FBF1: variants seen among roughly 807,000 people sequenced by gnomAD.
FBF1 encodes the protein Fas binding factor 1, also known as fas-binding factor 1.
Under a neutral mutation model 147.2 loss-of-function variants are expected in FBF1, and 119 were observed. The observed-to-expected ratio is 0.81, with a 90% CI of 0.70 to 0.94. The LOEUF is 0.94. Among genes scored for constraint, FBF1 ranks in the 40% least tolerant of loss-of-function variants. The pLI is 0.00. For missense variants in FBF1, 1,449 were observed against 1,500.8 expected (o/e 0.97, Z 0.57); for synonymous variants, 601 against 609.0 (o/e 0.99, Z 0.19).
chr17:75,940,427 AT>A (rs1368290266), intron 1 of FBF1, among the ~76,000 whole-genome samples: 1 of 151,338 alleles, frequency 6.6e-6, no homozygotes, highest in Non-Finnish European at 1.5e-5. Flanking sequence ...AAATTTTAAA[AT>A]TTTTTTTGTA....
At position 75,927,547 on chromosome 17, in the gene FBF1, AGAC is replaced by A; in HGVS notation, c.398-18_398-16del. 1.9e-6 allele frequency: 3 copies of A among 1,589,470 alleles called. No individual in the cohort carries two copies. Among genetic ancestry groups the A allele is most frequent in the Non-Finnish European group, 2.6e-6 (3 of 1,167,948 alleles). On this transcript the variant is annotated splice_polypyrimidine_tract_variant and intron_variant, in intron 8 of 29. Coordinates refer to ENST00000636174, the MANE Select transcript of FBF1 (RefSeq NM_001319193.2). ...AATGGCACCCCCTGCAGGAAGCAGA[AGAC>A]AAGGTCATGGGCCTGAGTCTCTCCT...
rs180740491 is a variant in FBF1, at chr17:75,935,680, C to T, written c.32-7G>A. ...AGAAAATCATCAATGGAGCCTGGAACAGAAAAGGGACTGTCATGACTTCAG... is the reference window on the plus strand; with the variant it reads ...AGAAAATCATCAATGGAGCCTGGAATAGAAAAGGGACTGTCATGACTTCAG... On this transcript the variant is annotated splice_region_variant and splice_polypyrimidine_tract_variant and intron_variant, in intron 3 of 29. Coordinates refer to ENST00000636174, the MANE Select transcript of FBF1 (RefSeq NM_001319193.2). 6.5e-7 allele frequency: 1 copy of T among 1,536,900 alleles called. No individual in the cohort carries two copies. Among genetic ancestry groups the T allele is most frequent in the African/African-American group, 1.4e-5 (1 of 73,132 alleles).
At position 75,932,572 on chromosome 17, in the gene FBF1, T is replaced by A. The variant is rs192465127; in HGVS notation, c.167+423A>T. Among the ~76,000 whole-genome samples, 212 of 151,838 alleles carry A rather than the reference T, an allele frequency of 1.4e-3. No homozygotes were observed. In the East Asian group the frequency reaches 0.034, roughly 25 times the overall value. On this transcript the variant is annotated intron_variant, in intron 5 of 29. Transcript: ENST00000636174. ...GACCAGCCTGGGCAATGTGGTAAAA[T>A]TGTCTTCACTAAAAATACCAAAATT... is the stretch of plus-strand genomic sequence containing the variant.
chr17:75,926,684 C>T (rs2065563866), intron 10 of FBF1, 74 bp downstream of exon 10: 2 of 1,550,112 alleles, frequency 1.3e-6, no homozygotes, highest in Admixed American at 3.9e-5. Flanking sequence ...TCTGGTTCTG[C>T]ACCAGAAAGG....
rs757957405 is a variant in FBF1 at position 75,923,434 on chromosome 17, AG to A, written c.1175del (p.Pro392LeufsTer47). The A allele has an allele frequency of 1.2e-6, 2 of 1,608,440 alleles. No individual in the cohort carries two copies. Among genetic ancestry groups the A allele is most frequent in the Non-Finnish European group, 1.7e-6 (2 of 1,177,886 alleles). On this transcript the variant is annotated frameshift_variant, in exon 14 of 30. Transcript: ENST00000636174. LOFTEE classifies it high-confidence loss of function. This position sits in a 1 kb window ranked among gnomAD's most constrained non-coding sequence, Gnocchi z 4.1. ...CTGGCGTGGAGTGCTGGCTCGCAGG[AG>A]GAGGCACTGAGGGCGTGACAGGCAC... Reference protein sequence around the residue: ...SSVPVTPSVPPPASQHSTPAG... With the variant: ...SSVPVTPSVPXPASQHSTPAG...
In FBF1 at chr17:75,914,545, G is replaced by T. The variant is rs1285273981; in HGVS notation, c.2814+202C>A. 4 of 822,568 alleles carry T rather than the reference G, an allele frequency of 4.9e-6. No homozygotes were observed. In the African/African-American group the frequency reaches 5.2e-5, roughly 11 times the overall value. 51.0% of individuals were successfully genotyped at this position (822,568 alleles called of 1,614,324 possible). A position where few individuals can be genotyped will look rare whatever the true frequency, so the allele number is the denominator to read the frequency against. On this transcript the variant is annotated intron_variant, in intron 25 of 29. Transcript: ENST00000636174. The stretch of plus-strand genomic sequence containing the variant: ...TAAATGACCAAAGTCATGGGAACAT[G>T]AGGATCAAATAAAATGTGTATAATG...
rs201106199 is a variant in FBF1 at position 75,923,471 on chromosome 17, C to T, written c.1139G>A (p.Arg380Gln). Residue 380 changes from arginine to glutamine, a missense_variant, in exon 14 of 30, where the codon CGG becomes CAG. Physicochemically the swap from Arg to Gln is conservative, Grantham distance 43. Coordinates refer to ENST00000636174, the MANE Select transcript of FBF1 (RefSeq NM_001319193.2). The surrounding 1 kb of genome is among the most constrained non-coding windows in gnomAD (Gnocchi z 4.1). ...FPASPTREAH[R>Q]ESSVPVTPSV... ...GGGCGTGACAGGCACTGAACTTTCC[C>T]GATGGGCCTCTCTGGTGGGTGAGGC... The T allele has an allele frequency of 6.7e-5, 108 of 1,608,766 alleles. 1 individual carries two copies. The African/African-American group carries it at 1.0e-3, about 15-fold the overall frequency.
At chr17:75,932,206 C>A (rs1272842097) in intron 5 of FBF1, among the ~76,000 whole-genome samples, 1 of 151,482 alleles carries the variant, frequency 6.6e-6, no homozygotes, top group Admixed American at 6.6e-5. Flanking sequence ...CATGGTGAAA[C>A]CCCATCTCCA....
At chr17:75,937,760 C>G in intron 2 of FBF1, 167 bp from the exon 3 acceptor site, 1 of 766,062 alleles carries the variant, frequency 1.3e-6, no homozygotes, top group Non-Finnish European at 2.2e-6. Flanking sequence ...TTTCTGAGAA[C>G]GGACTCATTC....
In FBF1 at chr17:75,920,716, C is replaced by T. The variant is rs146701619; in HGVS notation, c.1675-287G>A. On this transcript the variant is annotated intron_variant, in intron 17 of 29. Coordinates refer to ENST00000636174, the MANE Select transcript of FBF1 (RefSeq NM_001319193.2). ...AATGGCTGAACCCCAGCAGAGTCTT[C>T]GCTATGACAAAAGCTGATGCTGGCT... Among the ~76,000 whole-genome samples, 602 of 152,258 alleles carry T rather than the reference C, an allele frequency of 4.0e-3. 6 individuals carry two copies. The highest frequency in any genetic ancestry group is 0.014 in the African/African-American group (563 of 41,550).
In FBF1 at chr17:75,917,995, G is replaced by C. The variant is rs1194300673; in HGVS notation, c.2322C>G (p.Ala774=). Residue 774 remains alanine (A), a synonymous_variant, in exon 22 of 30, where the codon GCC becomes GCG. Transcript: ENST00000636174. ...SLHELSSRVE[A]SHLTTSQERE... is the part of the protein sequence containing the mutation. ...GCTCCTGGGAGGTGGTGAGGTGCGA[G>C]GCCTCCACGCGGGAGGACAACTCGT... The C allele has an allele frequency of 1.9e-6, 3 of 1,612,176 alleles. No individual in the cohort carries two copies. In the Admixed American group the frequency reaches 5.0e-5, roughly 27 times the overall value.
Position 75,921,849 on chromosome 17 carries a change from G to A in FBF1, c.1526+96C>T. 3.5e-6 allele frequency: 4 copies of A among 1,129,142 alleles called. No homozygotes were observed. In the South Asian group the frequency reaches 4.4e-5, roughly 12 times the overall value. 69.9% of individuals were successfully genotyped at this position (1,129,142 alleles called of 1,614,324 possible). The stretch of plus-strand genomic sequence containing the variant: ...TGTGTGGGACACGGGGACGGGGCAG[G>A]GGCAGGGTGAACAGCCTCTGTGTCC... On this transcript the variant is annotated intron_variant, in intron 15 of 29. Transcript: ENST00000636174.
rs775184468 is a variant in FBF1, at chr17:75,913,831, C to A, written c.3130-12G>T. On this transcript the variant is annotated splice_polypyrimidine_tract_variant and intron_variant, in intron 27 of 29. Transcript: ENST00000636174. ...AGACTCAGATGCTCCTGTCCCCGTTCCCCCAGAAAGAAGGACTCAGCTGTG... is the reference window on the plus strand; with the variant it reads ...AGACTCAGATGCTCCTGTCCCCGTTACCCCAGAAAGAAGGACTCAGCTGTG... 2 of 1,592,344 alleles carry A rather than the reference C, an allele frequency of 1.3e-6. No homozygotes were observed. The highest frequency in any genetic ancestry group is 1.7e-6 in the Non-Finnish European group (2 of 1,173,164).
Position 75,928,038 on chromosome 17 carries a change from C to T in FBF1, c.397+38G>A, listed in dbSNP as rs764448094. ...AGTCTCCCTAGCAGATGCGAGGAGC[C>T]GTCTCCCATGCACCTTTCTCACTGG... is the stretch of plus-strand genomic sequence containing the variant. On this transcript the variant is annotated intron_variant, in intron 8 of 29. Coordinates refer to ENST00000636174, the MANE Select transcript of FBF1 (RefSeq NM_001319193.2). This position sits in a 1 kb window ranked among gnomAD's most constrained non-coding sequence, Gnocchi z 4.2. 18 of 1,532,464 alleles carry T rather than the reference C, an allele frequency of 1.2e-5. No homozygotes were observed. The highest frequency in any genetic ancestry group is 3.5e-5 in the Admixed American group (2 of 57,188). 94.9% of individuals were successfully genotyped at this position (1,532,464 alleles called of 1,614,324 possible). A position where few individuals can be genotyped will look rare whatever the true frequency, so the allele number is the denominator to read the frequency against.
chr17:75,938,104 G>A lies in FBF1; in HGVS notation c.3+43C>T, dbSNP rs550785965. ...AGATCTTTGGGGATGCAGGATGGGA[G>A]GCATGTTCGCTTTCCATGCATCTTA... On this transcript the variant is annotated intron_variant, in intron 2 of 29. Coordinates refer to ENST00000636174, the MANE Select transcript of FBF1 (RefSeq NM_001319193.2). 5.1e-5 allele frequency: 82 copies of A among 1,611,292 alleles called. No individual in the cohort carries two copies. In the East Asian group the frequency reaches 1.8e-3, roughly 35 times the overall value.
In FBF1 at chr17:75,933,092, G is replaced by C. The variant is rs1006222159; in HGVS notation, c.74-4C>G. 1.3e-6 allele frequency: 2 copies of C among 1,594,718 alleles called. No homozygotes were observed. The highest frequency in any genetic ancestry group is 2.7e-5 in the African/African-American group (2 of 74,562). On this transcript the variant is annotated splice_polypyrimidine_tract_variant and splice_region_variant and intron_variant, in intron 4 of 29. Coordinates refer to ENST00000636174, the MANE Select transcript of FBF1 (RefSeq NM_001319193.2). ...ACAGGCTTCTCAGGTAGTGTCACTG[G>C]AAAAAAAGAAAAGAGAAAACGTGTC... is the stretch of plus-strand genomic sequence containing the variant.
At chr17:75,932,935 G>T in intron 5 of FBF1, 60 bp downstream of exon 5, 4 of 1,160,512 alleles carry the variant, frequency 3.4e-6, no homozygotes, top group Non-Finnish European at 3.7e-6. Flanking sequence ...GGGGGGTGGA[G>T]GGGCAGAGAG....
At position 75,927,544 on chromosome 17, in the gene FBF1, A is replaced by C. The variant is rs200455962; in HGVS notation, c.398-12T>G. 6.3e-7 allele frequency: 1 copy of C among 1,592,606 alleles called. No homozygotes were observed. The highest frequency in any genetic ancestry group is 2.3e-5 in the East Asian group (1 of 43,888). Reference sequence around the variant, plus strand: ...GGGAATGGCACCCCCTGCAGGAAGCAGAAGACAAGGTCATGGGCCTGAGTC... The same window carrying C: ...GGGAATGGCACCCCCTGCAGGAAGCCGAAGACAAGGTCATGGGCCTGAGTC... On this transcript the variant is annotated splice_polypyrimidine_tract_variant and intron_variant, in intron 8 of 29. Coordinates refer to ENST00000636174, the MANE Select transcript of FBF1 (RefSeq NM_001319193.2).
At chr17:75,935,029 A>G (rs898941567) in intron 4 of FBF1, among the ~76,000 whole-genome samples, 3 of 152,164 alleles carry the variant, frequency 2.0e-5, no homozygotes, top group African/African-American at 7.2e-5. Context: ...ACTAATGGGC[A>G]TGGGGTTTCT....
Sources: gnomAD v4.1 joint callset for allele counts (sites outside exome capture counted in the v4.1 genomes callset) on GRCh38, gnomAD v4.1.1 for gene constraint, Gnocchi (gnomAD v3.1) non-coding constraint, MANE v1.5 for transcripts, NCBI Gene and HGNC (gene_info 2026-07-23, HGNC 2026-07-21) for gene names.